Variants in CYTH3 observed in about 807,000 individuals in gnomAD.
CYTH3 encodes the protein cytohesin-3.
CYTH3 carries 23 observed loss-of-function variants against 55.1 expected under a neutral mutation model. The ratio of observed to expected loss-of-function variants is 0.42; its 90% CI spans 0.30 to 0.59. CYTH3 has a LOEUF of 0.59. Ranked by LOEUF, CYTH3 falls within the 20% of genes least tolerant of loss-of-function variation. The probability of loss-of-function intolerance (pLI) is 0.20; values close to 1 mark genes in which losing one functional copy is unlikely to be tolerated. For missense variants in CYTH3, 413 were observed against 524.8 expected (o/e 0.79, Z 2.08); for synonymous variants, 249 against 194.9 (o/e 1.28, Z -2.31).
intron 1 of CYTH3, among the ~76,000 whole-genome samples, chr7:6,234,164 C>G (rs1396642595): frequency 6.6e-6 from 1 of 152,176 alleles, no homozygotes; most frequent in African/African-American, 2.4e-5. Flanking sequence ...ATCCAGTAAC[C>G]TTTATCAAGT....
chr7:6,251,820 G>T (rs761635555), intron 1 of CYTH3, among the ~76,000 whole-genome samples: 6 of 152,082 alleles, frequency 3.9e-5, no homozygotes, highest in Non-Finnish European at 7.4e-5. Flanking sequence ...CCACAGAATC[G>T]CATGAGTTCT....
At chr7:6,165,913 G>A in intron 9 of CYTH3, 103 bp from the exon 10 acceptor site, 1 of 1,113,192 alleles carries the variant, frequency 9.0e-7, no homozygotes, top group Non-Finnish European at 1.3e-6. Flanking sequence ...TTTCAGAAAG[G>A]CCACCAGGCG....
intron 1 of CYTH3, among the ~76,000 whole-genome samples, chr7:6,224,096 T>G (rs897893431): frequency 6.6e-6 from 1 of 151,976 alleles, no homozygotes; most frequent in Non-Finnish European, 1.5e-5. Flanking sequence ...AATGAGAAGG[T>G]GGACTCAAAC....
intron 1 of CYTH3, among the ~76,000 whole-genome samples, chr7:6,202,941 A>C (rs1784092805): frequency 6.6e-6 from 1 of 152,236 alleles, no homozygotes; most frequent in African/African-American, 2.4e-5. Flanking sequence ...AAAACATACG[A>C]ATACATAAAA....
chr7:6,167,792 C>A lies in CYTH3; in HGVS notation c.824-1982G>T, dbSNP rs1486192748. Reference sequence around the variant, plus strand: ...CTGCTCTCTTCCTCCACGCTCCCAGCATGGTGGACAGCAAAGGACCTGTAT... The same window carrying A: ...CTGCTCTCTTCCTCCACGCTCCCAGAATGGTGGACAGCAAAGGACCTGTAT... On this transcript the variant is annotated intron_variant, in intron 9 of 12. Transcript: ENST00000350796. The surrounding 1 kb of genome is among the most constrained non-coding windows in gnomAD (Gnocchi z 5.5). Among the ~76,000 whole-genome samples the A allele has an allele frequency of 6.6e-6, 1 of 152,260 alleles. No homozygotes were observed. The highest frequency in any genetic ancestry group is 1.5e-5 in the Non-Finnish European group (1 of 68,046).
rs1783262435 is a variant in CYTH3 at position 6,173,749 on chromosome 7, GT to G, written c.369-17del. On this transcript the variant is annotated splice_polypyrimidine_tract_variant and intron_variant, in intron 5 of 12. Coordinates refer to ENST00000350796, the MANE Select transcript of CYTH3 (RefSeq NM_004227.4). ...AAATTCATCCCTGGGAAAAAAAGAA[GT>G]AAGTTTCAAACCTAATGTACATTAT... The G allele has an allele frequency of 1.3e-6, 2 of 1,494,920 alleles. No individual in the cohort carries two copies. The highest frequency in any genetic ancestry group is 1.9e-6 in the Non-Finnish European group (2 of 1,071,414). The allele number at this position is 1,494,920 out of a possible 1,614,324, so 92.6% of individuals were successfully genotyped here. A position where few individuals can be genotyped will look rare whatever the true frequency, so the allele number is the denominator to read the frequency against.
chr7:6,222,581 C>G (rs548329711), intron 1 of CYTH3, among the ~76,000 whole-genome samples: 61 of 152,054 alleles, frequency 4.0e-4, no homozygotes, highest in African/African-American at 1.4e-3. Flanking sequence ...CCCGTCTCTA[C>G]TAAAAATATA....
Position 6,171,355 on chromosome 7 carries a change from A to C in CYTH3, c.450-41T>G. 1.9e-6 allele frequency: 3 copies of C among 1,595,682 alleles called. No individual in the cohort carries two copies. Among genetic ancestry groups the C allele is most frequent in the Non-Finnish European group, 2.6e-6 (3 of 1,163,970 alleles). On this transcript the variant is annotated intron_variant, in intron 6 of 12. Transcript: ENST00000350796. The surrounding 1 kb of genome is among the most constrained non-coding windows in gnomAD (Gnocchi z 6.7). ...AGCCATGGGAAGCCGCATCAGAACC[A>C]ACACCGCCTCACGGCCAAGGGCGGC...
In CYTH3 at chr7:6,172,645, T is replaced by A; in HGVS notation, c.449+1008A>T. On this transcript the variant is annotated intron_variant, in intron 6 of 12. Transcript: ENST00000350796. ...ACGGCTGTGGGAATTAATAGGAACC[T>A]CTCCGGCTCTCGCCAGAGACTGATG... 11 of 962,922 alleles carry A rather than the reference T, an allele frequency of 1.1e-5. No homozygotes were observed. The South Asian group carries it at 2.6e-4, about 23-fold the overall frequency. 59.6% of individuals were successfully genotyped at this position (962,922 alleles called of 1,614,324 possible).
intron 1 of CYTH3, among the ~76,000 whole-genome samples, chr7:6,198,603 A>G (rs757259171): frequency 6.6e-6 from 1 of 152,236 alleles, no homozygotes; most frequent in Non-Finnish European, 1.5e-5. Context: ...ATGTTTTGTT[A>G]CTTGGACTCT....
chr7:6,222,866 A>G (rs1178288112), intron 1 of CYTH3, among the ~76,000 whole-genome samples: 3 of 152,206 alleles, frequency 2.0e-5, no homozygotes, highest in African/African-American at 4.8e-5. Context: ...TTATTTGACA[A>G]AACAGCTAAT....
Position 6,235,354 on chromosome 7 carries a change from G to A in CYTH3, c.34+37120C>T, listed in dbSNP as rs531496119. Among the ~76,000 whole-genome samples the A allele has an allele frequency of 5.9e-5, 9 of 151,928 alleles. 1 individual carries two copies. In the South Asian group the frequency reaches 1.2e-3, roughly 21 times the overall value. On this transcript the variant is annotated intron_variant, in intron 1 of 12. Transcript: ENST00000350796. Reference sequence around the variant, plus strand: ...TATCTGGGTGTGGTGGCACATGCCTGTAATCCTAGCTACTCAGGAGGCTGA... The same window carrying A: ...TATCTGGGTGTGGTGGCACATGCCTATAATCCTAGCTACTCAGGAGGCTGA...
At chr7:6,232,410 T>G (rs1779409566) in intron 1 of CYTH3, among the ~76,000 whole-genome samples, 1 of 152,112 alleles carries the variant, frequency 6.6e-6, no homozygotes. Flanking sequence ...CAACTGCTAT[T>G]CCCCTGCTCC....
chr7:6,226,061 A>G (rs538886238), intron 1 of CYTH3, among the ~76,000 whole-genome samples: 2 of 152,348 alleles, frequency 1.3e-5, no homozygotes, highest in African/African-American at 4.8e-5. Context: ...ATTCATCCCT[A>G]GGTGGCCGAG....
chr7:6,253,156 G>A (rs1297269105), intron 1 of CYTH3, among the ~76,000 whole-genome samples: 17 of 151,300 alleles, frequency 1.1e-4, no homozygotes, highest in Admixed American at 1.1e-3. Context: ...TAGTCTATAG[G>A]ATGCAAATAA....
intron 4 of CYTH3, among the ~76,000 whole-genome samples, chr7:6,180,098 C>G (rs1332423900): frequency 1.3e-5 from 2 of 152,194 alleles, no homozygotes; most frequent in African/African-American, 4.8e-5. Flanking sequence ...GTGAGGCCAT[C>G]AGCTGCAGGT....
intron 1 of CYTH3, among the ~76,000 whole-genome samples, chr7:6,243,913 T>C (rs956122685): frequency 1.2e-4 from 18 of 152,204 alleles, no homozygotes; most frequent in African/African-American, 4.1e-4. Flanking sequence ...TTCATTGTCA[T>C]TGTTGTCTCA....
chr7:6,187,115 T>C lies in CYTH3; in HGVS notation c.184A>G (p.Lys62Glu). ...ATCTGTTTGTTCCTCTGAGTCGTTT[T>C]GCTATTGGTGTGAAATAATTTAAAA... Reference protein sequence around the residue: ...IDNLTSVEESKTTQRNKQIAM... With the variant: ...IDNLTSVEESETTQRNKQIAM... The change falls in exon 4 of 13, where the codon AAA becomes GAA. Residue 62 changes from lysine (K) to glutamate (E), a missense_variant and splice_region_variant. By Grantham distance (56) the Lys-to-Glu change is moderately conservative. This residue lies in a region of CYTH3 where 152 missense variants were observed against 148.1 expected (regional missense o/e 1.03). Transcript: ENST00000350796. 6.2e-7 allele frequency: 1 copy of C among 1,614,110 alleles called. No individual in the cohort carries two copies. The highest frequency in any genetic ancestry group is 8.5e-7 in the Non-Finnish European group (1 of 1,179,938).
At chr7:6,204,872 C>T (rs1784148429) in intron 1 of CYTH3, among the ~76,000 whole-genome samples, 1 of 152,180 alleles carries the variant, frequency 6.6e-6, no homozygotes, top group South Asian at 2.1e-4. Context: ...AATTGCAAAA[C>T]AGTGACTAGA....
Sources: allele counts gnomAD v4.1 joint callset (sites outside exome capture counted in the v4.1 genomes callset), GRCh38; gene constraint gnomAD v4.1.1; regional missense constraint gnomAD v4.1.1; non-coding constraint Gnocchi (gnomAD v3.1); transcripts MANE v1.5; gene names NCBI Gene and HGNC (gene_info 2026-07-23, HGNC 2026-07-21).